Variants in OTOG observed in about 807,000 individuals in gnomAD.
OTOG encodes the protein otogelin.
OTOG carries 296 observed loss-of-function variants against 313.8 expected under a neutral mutation model. That is an observed-to-expected ratio of 0.94 (90% CI 0.86 to 1.04). OTOG has a LOEUF of 1.04. OTOG is among the 50% of genes least tolerant of loss of function. The pLI, the probability that OTOG is intolerant of heterozygous loss-of-function variation, is 0.00. For missense variants in OTOG, 3,948 were observed against 3,840.1 expected, an observed-to-expected ratio of 1.03 and a Z score of -0.74; for synonymous variants, 1,533 against 1,554.9, an observed-to-expected ratio of 0.99 and a Z score of 0.33.
chr11:17,600,928 G>A (rs991107002), intron 31 of OTOG, among the ~76,000 whole-genome samples: 11 of 152,224 alleles, frequency 7.2e-5, no homozygotes, highest in Non-Finnish European at 1.6e-4. Flanking sequence ...CCAGGTGTTG[G>A]GAAGTCAGTG....
chr11:17,615,062 T>C (rs563410927), intron 39 of OTOG, among the ~76,000 whole-genome samples: 1 of 152,360 alleles, frequency 6.6e-6, no homozygotes, highest in South Asian at 2.1e-4. Context: ...GTCATTCTAA[T>C]AAGTGTCAAA....
chr11:17,573,078 CCTCCTA>C lies in OTOG; in HGVS notation c.2085_2090del (p.Tyr696_Ser697del). The C allele has an allele frequency of 6.5e-7, 1 of 1,541,662 alleles. No individual in the cohort carries two copies. Among genetic ancestry groups the C allele is most frequent in the Admixed American group, 2.0e-5 (1 of 50,582 alleles). ...CTGGCTCCTGTTCTTCCTTCCCCAG[CCTCCTA>C]CTCAGTGCAGGCCTGCAGCGTGCTC... On this transcript the variant is annotated inframe_deletion and splice_region_variant, in exon 19 of 56. Transcript: ENST00000399397.
chr11:17,641,650 T>C (rs1847973069), intron 51 of OTOG, among the ~76,000 whole-genome samples, 197 bp from the exon 52 acceptor site: 1 of 152,078 alleles, frequency 6.6e-6, no homozygotes, highest in Non-Finnish European at 1.5e-5. Flanking sequence ...GTGGAGATGC[T>C]CTTTGCTGTA....
chr11:17,625,192 T>C (rs1028145564), intron 39 of OTOG, among the ~76,000 whole-genome samples: 6 of 152,216 alleles, frequency 3.9e-5, no homozygotes, highest in Middle Eastern at 3.2e-3. Context: ...TCCAATACTA[T>C]GTTGAATAGG....
chr11:17,560,842 G>A, intron 13 of OTOG, 25 bp downstream of exon 13: 1 of 1,534,344 alleles, frequency 6.5e-7, no homozygotes, highest in Non-Finnish European at 8.8e-7. Flanking sequence ...CCGGGAAGCA[G>A]GGTGTGGGGC....
rs545875206 is a variant in OTOG at position 17,586,423 on chromosome 11, C to A, written c.2760-51C>A. The A allele has an allele frequency of 6.2e-6, 7 of 1,134,464 alleles. No individual in the cohort carries two copies. The East Asian group carries it at 2.2e-4, about 36-fold the overall frequency. The allele number at this position is 1,134,464 out of a possible 1,614,324, so 70.3% of individuals were successfully genotyped here. On this transcript the variant is annotated intron_variant, in intron 23 of 55. Coordinates refer to ENST00000399397, the MANE Select transcript of OTOG (RefSeq NM_001292063.2). ...TTGAGGCAGGGTCCTCCACAGATGG[C>A]AGCTATGGGAAGAGTGCTCTCCTGA...
chr11:17,559,248 G>GAA, intron 11 of OTOG, 87 bp downstream of exon 11: 2 of 1,087,064 alleles, frequency 1.8e-6, no homozygotes, highest in Non-Finnish European at 2.6e-6. Context: ...GTCCTGCTCA[G>GAA]AATCACAGTT....
chr11:17,571,602 C>A (rs1278851070), intron 17 of OTOG, among the ~76,000 whole-genome samples: 3 of 152,128 alleles, frequency 2.0e-5, no homozygotes, highest in Non-Finnish European at 4.4e-5. Flanking sequence ...AAAGTCTTAC[C>A]CCCATGGTGT....
chr11:17,582,928 C>T (rs968593578), intron 23 of OTOG, among the ~76,000 whole-genome samples: 22 of 151,834 alleles, frequency 1.4e-4, no homozygotes, highest in Admixed American at 1.2e-3. Context: ...ACTTAACATG[C>T]CTTGAAGTAT....
Position 17,548,206 on chromosome 11 carries a change from A to G in OTOG, c.210A>G (p.Gly70=). ...TGGGGGACAAGGCTACAGTCGTGGGAGGCCAGGTAAGGGAGGTCTTGGGAG... is the reference window on the plus strand; with the variant it reads ...TGGGGGACAAGGCTACAGTCGTGGGGGGCCAGGTAAGGGAGGTCTTGGGAG... ...LAMGDKATVV[G]GQQAEAPDSV... The change falls in exon 3 of 56, where the codon GGA becomes GGG. Residue 70 remains glycine (G), a synonymous_variant. Transcript: ENST00000399397. The G allele has an allele frequency of 6.5e-7, 1 of 1,546,534 alleles. No homozygotes were observed. The highest frequency in any genetic ancestry group is 1.2e-5 in the South Asian group (1 of 83,368).
In OTOG at chr11:17,547,483, C is replaced by G; in HGVS notation, c.94+17C>G. 7.4e-7 allele frequency: 1 copy of G among 1,344,498 alleles called. No individual in the cohort carries two copies. The highest frequency in any genetic ancestry group is 9.5e-7 in the Non-Finnish European group (1 of 1,049,832). The allele number at this position is 1,344,498 out of a possible 1,614,324, so 83.3% of individuals were successfully genotyped here. On this transcript the variant is annotated intron_variant, in intron 1 of 55. Coordinates refer to ENST00000399397, the MANE Select transcript of OTOG (RefSeq NM_001292063.2). ...AGCGCCTCGGTGAGAGGGTTGTGGA[C>G]TCAGGGAGGTCGGGGGCTCGAGGAA... is the stretch of plus-strand genomic sequence containing the variant.
chr11:17,576,463 A>G (rs765341222), intron 20 of OTOG, 93 bp from the exon 21 acceptor site: 367 of 952,182 alleles, frequency 3.9e-4, no homozygotes, highest in Non-Finnish European at 5.5e-4. Flanking sequence ...GTCCTTATGC[A>G]CCTGGTTGGC....
intron 33 of OTOG, among the ~76,000 whole-genome samples, chr11:17,607,779 G>A (rs1853425108): frequency 6.6e-6 from 1 of 152,210 alleles, no homozygotes; most frequent in Admixed American, 6.5e-5. Flanking sequence ...TTGGGCTAGA[G>A]GGGAAGGGAT....
chr11:17,592,950 T>C (rs932231676), intron 25 of OTOG, among the ~76,000 whole-genome samples: 1 of 152,230 alleles, frequency 6.6e-6, no homozygotes, highest in Non-Finnish European at 1.5e-5. Flanking sequence ...CCCTATTATA[T>C]ATTTATTAAT....
intron 54 of OTOG, 35 bp downstream of exon 54, chr11:17,643,541 G>T (rs758162000): frequency 2.4e-6 from 3 of 1,247,966 alleles, no homozygotes; most frequent in South Asian, 1.8e-5. Flanking sequence ...GGGGTGGGGG[G>T]CTCTGATGGG....
Position 17,645,953 on chromosome 11 carries a change from G to T in OTOG, c.*9G>T. On this transcript the variant is annotated 3_prime_UTR_variant, in exon 56 of 56. Transcript: ENST00000399397. ...CCTGCCAGTGGTCCTGAGGCCTGGG[G>T]GCCCGGGCTAGCTGGACCACCTCTG... 2 of 1,547,778 alleles carry T rather than the reference G, an allele frequency of 1.3e-6. No homozygotes were observed. The highest frequency in any genetic ancestry group is 1.7e-6 in the Non-Finnish European group (2 of 1,146,912).
At chr11:17,601,721 T>C (rs570418005) in intron 31 of OTOG, among the ~76,000 whole-genome samples, 1 of 152,272 alleles carries the variant, frequency 6.6e-6, no homozygotes, top group East Asian at 1.9e-4. Context: ...TGTGCCAACC[T>C]ATACTGACAA....
At chr11:17,584,016 G>T (rs567106817) in intron 23 of OTOG, among the ~76,000 whole-genome samples, 1 of 152,016 alleles carries the variant, frequency 6.6e-6, no homozygotes, top group African/African-American at 2.4e-5. Context: ...TCATGTGAAG[G>T]TTTACACATT....
intron 38 of OTOG, among the ~76,000 whole-genome samples, chr11:17,613,327 C>CCCTCCCTTCCTTCCTTCCTTCCTT (rs1853637768): frequency 9.8e-6 from 1 of 102,390 alleles, no homozygotes; most frequent in Non-Finnish European, 1.8e-5. Flanking sequence ...CTCTGCCCTG[C>CCCTCCCTTCCTTCCTTCCTTCCTT]CCTTCCTTCC....
Sources: allele counts gnomAD v4.1 joint callset (sites outside exome capture counted in the v4.1 genomes callset), GRCh38; gene constraint gnomAD v4.1.1; transcripts MANE v1.5; gene names NCBI Gene and HGNC (gene_info 2026-07-23, HGNC 2026-07-21).